WDR43: variants seen among roughly 807,000 people sequenced by gnomAD.
The protein encoded by WDR43 is WD repeat-containing protein 43.
Under a neutral mutation model 91.4 loss-of-function variants are expected in WDR43, and 13 were observed. That is an observed-to-expected ratio of 0.14 (90% confidence interval 0.09 to 0.23). WDR43 has a LOEUF of 0.23. Ranked by LOEUF, WDR43 falls within the 10% of genes least tolerant of loss-of-function variation. WDR43 has a pLI of 1.00. For synonymous variants in WDR43, 331 were observed against 287.9 expected, an observed-to-expected ratio of 1.15 and a Z score of -1.51; for missense variants, 780 against 809.4, an observed-to-expected ratio of 0.96 and a Z score of 0.44.
intron 5 of WDR43, among the ~76,000 whole-genome samples, chr2:28,917,402 C>T (rs1157156304): frequency 1.3e-5 from 2 of 152,130 alleles, no homozygotes; most frequent in Non-Finnish European, 2.9e-5. Flanking sequence ...GTTAATTCTC[C>T]CCAAATTGAC....
At chr2:28,918,016 G>T in intron 6 of WDR43, 21 bp downstream of exon 6, 1 of 1,542,766 alleles carries the variant, frequency 6.5e-7, no homozygotes. Context: ...CGATTTTTGA[G>T]AATTTGTTTT....
rs866675426 is a variant in WDR43 at position 28,922,944 on chromosome 2, G to C, written c.875G>C (p.Arg292Thr). 2.5e-6 allele frequency: 4 copies of C among 1,612,606 alleles called. No homozygotes were observed. The South Asian group carries it at 4.4e-5, about 18-fold the overall frequency. Residue 292 changes from arginine to threonine, a missense_variant, in exon 7 of 18, where the codon AGA becomes ACA. Coordinates refer to ENST00000407426, the MANE Select transcript of WDR43 (RefSeq NM_015131.3). Reference sequence around the variant, plus strand: ...CCTGTCAAGTTGGCTGTTGTTTGCAGAGATGGTCAAGTCCATCTTTTTGAA... The same window carrying C: ...CCTGTCAAGTTGGCTGTTGTTTGCACAGATGGTCAAGTCCATCTTTTTGAA... ...EEPVKLAVVC[R>T]DGQVHLFEHI...
At chr2:28,931,304 A>G (rs555174618) in intron 11 of WDR43, among the ~76,000 whole-genome samples, 4 of 150,674 alleles carry the variant, frequency 2.7e-5, no homozygotes, top group African/African-American at 9.8e-5. Context: ...CTGGTCTTGA[A>G]CTCCTGAGCT....
intron 16 of WDR43, among the ~76,000 whole-genome samples, chr2:28,945,576 G>C (rs1015848661): frequency 1.3e-5 from 2 of 152,164 alleles, no homozygotes; most frequent in Admixed American, 6.5e-5. Flanking sequence ...CTAAGCTACA[G>C]TTCCTTTAAA....
chr2:28,937,637 A>G (rs916781341), intron 13 of WDR43, among the ~76,000 whole-genome samples: 6 of 152,176 alleles, frequency 3.9e-5, no homozygotes, highest in Non-Finnish European at 8.8e-5. Context: ...CTGCCCTCAT[A>G]TCAGTTAATT....
chr2:28,941,665 C>A, intron 15 of WDR43, 91 bp downstream of exon 15: 1 of 1,002,446 alleles, frequency 1.0e-6, no homozygotes, highest in Non-Finnish European at 1.5e-6. Flanking sequence ...GGGTCTTGCT[C>A]TGTCGCTCAG....
chr2:28,944,730 A>G (rs542612418), intron 16 of WDR43, among the ~76,000 whole-genome samples: 6 of 152,364 alleles, frequency 3.9e-5, no homozygotes, highest in African/African-American at 1.2e-4. Context: ...TAAGCAAAAT[A>G]AGGGTGGCTT....
intron 3 of WDR43, 111 bp downstream of exon 3, chr2:28,906,692 A>G: frequency 7.4e-7 from 1 of 1,345,894 alleles, no homozygotes; most frequent in South Asian, 1.7e-5. Flanking sequence ...AGAACTTTTA[A>G]TCAAATCGAG....
chr2:28,929,555 T>C lies in WDR43; in HGVS notation c.1306-24T>C, dbSNP rs200919334. 296 of 1,561,410 alleles carry C rather than the reference T, an allele frequency of 1.9e-4. 2 individuals carry two copies. Among genetic ancestry groups the C allele is most frequent in the Non-Finnish European group, 3.5e-5 (41 of 1,155,540 alleles). ...ACTTTAAGTCTTGTCTGGTAACACA[T>C]TAACAATCCTTTCTGTTCTGTAGGT... On this transcript the variant is annotated intron_variant, in intron 10 of 17. Transcript: ENST00000407426.
intron 11 of WDR43, 112 bp downstream of exon 11, chr2:28,929,822 G>A (rs1204226417): frequency 3.4e-6 from 4 of 1,173,776 alleles, no homozygotes; most frequent in Non-Finnish European, 4.8e-6. Flanking sequence ...CATTTGGAAT[G>A]TAATGTTTTA....
chr2:28,931,234 A>G lies in WDR43; in HGVS notation c.1437+1524A>G, dbSNP rs539323785. Among the ~76,000 whole-genome samples, 18 of 152,176 alleles carry G rather than the reference A, an allele frequency of 1.2e-4. No individual in the cohort carries two copies. In the South Asian group the frequency reaches 3.7e-3, roughly 32 times the overall value. On this transcript the variant is annotated intron_variant, in intron 11 of 17. Transcript: ENST00000407426. ...ATTGCTGGGGTTACAGGCGCATGCC[A>G]CCATGCCCAGCTAATTTTTGTATTT...
chr2:28,944,640 C>G (rs935065476), intron 16 of WDR43, among the ~76,000 whole-genome samples: 1 of 152,126 alleles, frequency 6.6e-6, no homozygotes, highest in African/African-American at 2.4e-5. Flanking sequence ...GAGTTGAGAT[C>G]GAGTTAACAC....
intron 14 of WDR43, among the ~76,000 whole-genome samples, chr2:28,940,522 G>A (rs941374399): frequency 1.3e-5 from 2 of 152,174 alleles, no homozygotes; most frequent in Non-Finnish European, 1.5e-5. Context: ...GAGCCACCGC[G>A]CCCAGCTGCC....
At chr2:28,931,421 C>A (rs561823490) in intron 11 of WDR43, among the ~76,000 whole-genome samples, 1 of 152,186 alleles carries the variant, frequency 6.6e-6, no homozygotes, top group Non-Finnish European at 1.5e-5. Context: ...AGAGTCTACA[C>A]TGTATTTAGT....
chr2:28,902,099 A>G lies in WDR43; in HGVS notation c.338A>G (p.Lys113Arg). Residue 113 changes from lysine to arginine, a missense_variant, in exon 2 of 18, where the codon AAA (lysine) becomes AGA (arginine). Lys to Arg is a conservative substitution (Grantham distance 26). Transcript: ENST00000407426. Reference protein sequence around the residue: ...VGSILLYSTVKGELHSKLISG... With the variant: ...VGSILLYSTVRGELHSKLISG... ...AGCATTTTATTATACAGCACAGTAA[A>G]AGGAGAGTTACACAGTAAATTAATA... 1 of 1,591,114 alleles carries G rather than the reference A, an allele frequency of 6.3e-7. No homozygotes were observed. Among genetic ancestry groups the G allele is most frequent in the Non-Finnish European group, 8.5e-7 (1 of 1,169,610 alleles).
intron 14 of WDR43, among the ~76,000 whole-genome samples, chr2:28,939,903 C>T (rs536410451): frequency 6.6e-6 from 1 of 151,908 alleles, no homozygotes. Flanking sequence ...TTCAGGAGAT[C>T]AAGACCATCC....
intron 6 of WDR43, 103 bp from the exon 7 acceptor site, chr2:28,922,816 T>TG: frequency 2.2e-6 from 1 of 447,232 alleles, no homozygotes; most frequent in Non-Finnish European, 3.8e-6. Context: ...TTTTTTTTTC[T>TG]GGTTGTGTAA....
chr2:28,940,519 C>A (rs749375522), intron 14 of WDR43, among the ~76,000 whole-genome samples: 1 of 152,082 alleles, frequency 6.6e-6, no homozygotes, highest in African/African-American at 2.4e-5. Context: ...CATGAGCCAC[C>A]GCGCCCAGCT....
chr2:28,944,440 G>A (rs1671505447), intron 16 of WDR43, among the ~76,000 whole-genome samples: 1 of 152,164 alleles, frequency 6.6e-6, no homozygotes, highest in Non-Finnish European at 1.5e-5. Flanking sequence ...TTAAGAATGT[G>A]AAAGCATTTT....
Sources: allele counts gnomAD v4.1 joint callset (sites outside exome capture counted in the v4.1 genomes callset), GRCh38; gene constraint gnomAD v4.1.1; transcripts MANE v1.5; gene names NCBI Gene and HGNC (gene_info 2026-07-23, HGNC 2026-07-21).